Variants in SORCS2 observed in about 807,000 individuals in gnomAD.
SORCS2 encodes VPS10 domain-containing receptor SorCS2.
A neutral mutation model predicts 141.6 loss-of-function variants in SORCS2; 100 were observed. That is an observed-to-expected ratio of 0.71 (90% CI 0.60 to 0.83). SORCS2 has a LOEUF of 0.83. Ranked by LOEUF, SORCS2 falls within the 40% of genes least tolerant of loss-of-function variation. The pLI is 0.00. For synonymous variants in SORCS2, 789 were observed against 676.9 expected (o/e 1.17, Z -2.57); for missense variants, 1,646 against 1,560.2 (o/e 1.05, Z -0.93).
intron 1 of SORCS2, among the ~76,000 whole-genome samples, chr4:7,304,765 G>A (rs961644786): frequency 1.3e-5 from 2 of 151,058 alleles, no homozygotes; most frequent in African/African-American, 4.9e-5. Flanking sequence ...GCTTGGTGGG[G>A]GGCCTCAGCC....
Position 7,192,962 on chromosome 4 carries a change from G to T in SORCS2, c.316G>T (p.Glu106Ter). Residue 106 changes from glutamate to a stop codon, truncating the protein, a stop_gained, in exon 1 of 27, where the codon GAG becomes TAG. Coordinates refer to ENST00000507866, the MANE Select transcript of SORCS2 (RefSeq NM_020777.3). LOFTEE classifies it high-confidence loss of function. This position sits in a 1 kb window ranked among gnomAD's most constrained non-coding sequence, Gnocchi z 4.0. ...TCCCGGTCCCGCTCCTGGTCCCGGC[G>T]AGGACGGCGCCCCCGCCGCGGGCTA... ...PSPGPAPGPG[E>*]DGAPAAGYRR... The T allele has an allele frequency of 7.3e-7, 1 of 1,362,668 alleles. No individual in the cohort carries two copies. Among genetic ancestry groups the T allele is most frequent in the Non-Finnish European group, 9.4e-7 (1 of 1,066,912 alleles). 84.4% of individuals were successfully genotyped at this position (1,362,668 alleles called of 1,614,324 possible).
chr4:7,639,142 G>T (rs1006218089), intron 4 of SORCS2, among the ~76,000 whole-genome samples: 1 of 152,328 alleles, frequency 6.6e-6, no homozygotes, highest in African/African-American at 2.4e-5. Flanking sequence ...AAAGGACTTT[G>T]TTCCTTTTCT....
chr4:7,334,332 C>T (rs954287928), intron 1 of SORCS2, among the ~76,000 whole-genome samples: 1 of 152,072 alleles, frequency 6.6e-6, no homozygotes, highest in Non-Finnish European at 1.5e-5. Context: ...CACCTGGCAC[C>T]TGGCGCTCCC....
At chr4:7,688,514 A>G (rs1325438223) in intron 10 of SORCS2, among the ~76,000 whole-genome samples, 1 of 152,224 alleles carries the variant, frequency 6.6e-6, no homozygotes, top group Non-Finnish European at 1.5e-5. Context: ...GAGCTGTGCC[A>G]TAGTAATCCA....
intron 2 of SORCS2, among the ~76,000 whole-genome samples, chr4:7,493,790 G>A (rs1245934692): frequency 6.6e-6 from 1 of 152,174 alleles, no homozygotes; most frequent in Admixed American, 6.5e-5. Flanking sequence ...CAGCCTGGAT[G>A]GGTCTAGCTA....
chr4:7,487,804 G>A (rs113047857), intron 2 of SORCS2, among the ~76,000 whole-genome samples: 2,145 of 152,240 alleles, frequency 0.014, 28 homozygotes, highest in Non-Finnish European at 0.022. Flanking sequence ...CTACGGTACC[G>A]AGGGCTCTGG....
At chr4:7,197,227 A>C (rs1016775970) in intron 1 of SORCS2, among the ~76,000 whole-genome samples, 1 of 152,196 alleles carries the variant, frequency 6.6e-6, no homozygotes, top group African/African-American at 2.4e-5. Context: ...ATATTGGATC[A>C]GGGCTTATTC....
At chr4:7,271,281 C>G (rs776349386) in intron 1 of SORCS2, among the ~76,000 whole-genome samples, 1 of 152,222 alleles carries the variant, frequency 6.6e-6, no homozygotes, top group Non-Finnish European at 1.5e-5. Flanking sequence ...GAGAAAGAGT[C>G]TAATGATCCC....
At chr4:7,211,359 A>C (rs904138284) in intron 1 of SORCS2, among the ~76,000 whole-genome samples, 1 of 152,146 alleles carries the variant, frequency 6.6e-6, no homozygotes, top group African/African-American at 2.4e-5. Context: ...TCACTCCCTG[A>C]CATTTTTCAG....
At position 7,286,992 on chromosome 4, in the gene SORCS2, G is replaced by A. The variant is rs1304620173; in HGVS notation, c.480+93866G>A. Among the ~76,000 whole-genome samples the A allele has an allele frequency of 2.6e-5, 4 of 152,168 alleles. No homozygotes were observed. The highest frequency in any genetic ancestry group is 1.3e-4 in the Admixed American group (2 of 15,278). On this transcript the variant is annotated intron_variant, in intron 1 of 26. Transcript: ENST00000507866. The surrounding 1 kb of genome is among the most constrained non-coding windows in gnomAD (Gnocchi z 4.1). The stretch of plus-strand genomic sequence containing the variant: ...TTCTTGCATCAGGTGGCTGCAGCCC[G>A]GCCTGGGAGTTGCCTCCTCCTCCAG...
intron 2 of SORCS2, among the ~76,000 whole-genome samples, chr4:7,455,680 GGGTC>G (rs1728860489): frequency 6.6e-6 from 1 of 151,226 alleles, no homozygotes; most frequent in Non-Finnish European, 1.5e-5. Flanking sequence ...CTCCGTGTTG[GGGTC>G]AGGTGCTGTG....
chr4:7,582,517 G>T (rs897710556), intron 3 of SORCS2, among the ~76,000 whole-genome samples: 1 of 152,310 alleles, frequency 6.6e-6, no homozygotes, highest in African/African-American at 2.4e-5. Flanking sequence ...ATGCACATTC[G>T]TGGGGAACCT....
rs1255395356 is a variant in SORCS2, at chr4:7,695,582, GGATT to G, written c.1592-1614_1592-1611del. Reference sequence around the variant, plus strand: ...TGGATGCATGGATGGATGGATGGATGGATTGGTGGGTGGGTGGGTGGATGGATGG... The same window carrying G: ...TGGATGCATGGATGGATGGATGGATGGGTGGGTGGGTGGGTGGATGGATGG... On this transcript the variant is annotated intron_variant, in intron 11 of 26. Coordinates refer to ENST00000507866, the MANE Select transcript of SORCS2 (RefSeq NM_020777.3). 9.8e-3 allele frequency among the ~76,000 whole-genome samples: 305 copies of G among 31,150 alleles called. 1 individual carries two copies. The highest frequency in any genetic ancestry group is 0.012 in the African/African-American group (90 of 7,472). 20.4% of individuals were successfully genotyped at this position (31,150 alleles called of 152,430 possible).
chr4:7,215,424 G>C (rs1245380289), intron 1 of SORCS2, among the ~76,000 whole-genome samples: 1 of 152,242 alleles, frequency 6.6e-6, no homozygotes, highest in Admixed American at 6.5e-5. Flanking sequence ...GACTCCGTGG[G>C]TTCCTGTGCT....
intron 2 of SORCS2, among the ~76,000 whole-genome samples, chr4:7,403,037 A>C (rs1384680280): frequency 6.6e-6 from 1 of 151,860 alleles, no homozygotes; most frequent in Non-Finnish European, 1.5e-5. Flanking sequence ...TTCTTTCCCA[A>C]CACCTTCTAA....
intron 3 of SORCS2, among the ~76,000 whole-genome samples, chr4:7,550,640 T>C (rs1005864285): frequency 6.6e-6 from 1 of 152,218 alleles, no homozygotes; most frequent in African/African-American, 2.4e-5. Flanking sequence ...AAGAACCCAA[T>C]GTCTGCCCAC....
intron 3 of SORCS2, among the ~76,000 whole-genome samples, chr4:7,554,096 C>T (rs1331260982): frequency 9.7e-5 from 4 of 41,274 alleles, no homozygotes; most frequent in African/African-American, 1.3e-4. Flanking sequence ...AATGCAAGGC[C>T]AAAAAATCAT....
chr4:7,299,580 CTTGG>C (rs1717303337), intron 1 of SORCS2, among the ~76,000 whole-genome samples: 1 of 152,186 alleles, frequency 6.6e-6, no homozygotes, highest in South Asian at 2.1e-4. Flanking sequence ...GCATTTTCTA[CTTGG>C]TTGGTTTCTG....
chr4:7,208,279 C>T (rs115245137), intron 1 of SORCS2, among the ~76,000 whole-genome samples: 2 of 152,276 alleles, frequency 1.3e-5, no homozygotes, highest in Middle Eastern at 6.8e-3. Context: ...CGGGACTGAA[C>T]TCGCCTTGCC....
Sources: gnomAD v4.1 joint callset for allele counts (sites outside exome capture counted in the v4.1 genomes callset) on GRCh38, gnomAD v4.1.1 for gene constraint, Gnocchi (gnomAD v3.1) non-coding constraint, MANE v1.5 for transcripts, NCBI Gene and HGNC (gene_info 2026-07-23, HGNC 2026-07-21) for gene names.